Variants in RPS6KA6 observed in about 807,000 individuals in gnomAD.
RPS6KA6 encodes ribosomal protein S6 kinase A6.
RPS6KA6 carries 27 observed loss-of-function variants against 65.4 expected under a neutral mutation model. The observed-to-expected ratio is 0.41, with a 90% CI of 0.30 to 0.57. The LOEUF is 0.57. Among genes scored for constraint, RPS6KA6 ranks in the 20% least tolerant of loss-of-function variants. RPS6KA6 has a pLI of 0.24. For missense variants in RPS6KA6, 486 were observed against 555.6 expected, an observed-to-expected ratio of 0.87 and a Z score of 1.26; for synonymous variants, 190 against 184.2, an observed-to-expected ratio of 1.03 and a Z score of -0.26.
At chrX:84,100,333 G>A (rs993553430) in intron 18 of RPS6KA6, among the ~76,000 whole-genome samples, 1 of 109,973 alleles carries the variant, frequency 9.1e-6, no homozygotes, top group African/African-American at 3.3e-5. Flanking sequence ...CTACTCTCTG[G>A]GTTTGATTAC....
At chrX:84,074,346 C>T (rs971302193) in intron 20 of RPS6KA6, among the ~76,000 whole-genome samples, 1 of 111,297 alleles carries the variant, frequency 9.0e-6, no homozygotes, top group Non-Finnish European at 1.9e-5. Flanking sequence ...ACAGTGGTTA[C>T]TAGGGAATGA....
chrX:84,082,705 G>A (rs2033827705), intron 20 of RPS6KA6, among the ~76,000 whole-genome samples: 1 of 111,446 alleles, frequency 9.0e-6, no homozygotes. Context: ...TATACTACAA[G>A]GCTACAGTAA....
Position 84,104,557 on chromosome X carries a change from T to A in RPS6KA6, c.1556A>T (p.Glu519Val), listed in dbSNP as rs1483976660. ...TATTACATATAGTATATCACTAGCC[T>A]CCCGTTCCGAGAAACATTTTTGTTT... Reference protein sequence around the residue: ...ILKQKCFSEREASDILYVISK... With the variant: ...ILKQKCFSERVASDILYVISK... Residue 519 changes from glutamate to valine, a missense_variant, in exon 17 of 22, where the codon GAG becomes GTG. Coordinates refer to ENST00000262752, the MANE Select transcript of RPS6KA6 (RefSeq NM_014496.5). 1 of 1,187,810 alleles carries A rather than the reference T, an allele frequency of 8.4e-7. No individual in the cohort carries two copies. Among genetic ancestry groups the A allele is most frequent in the Admixed American group, 2.3e-5 (1 of 44,280 alleles).
chrX:84,171,239 G>T (rs1422556662), intron 1 of RPS6KA6, among the ~76,000 whole-genome samples: 1 of 111,478 alleles, frequency 9.0e-6, no homozygotes, highest in Non-Finnish European at 1.9e-5. Flanking sequence ...AGCTTGGTAG[G>T]GCCCTAAGCA....
intron 1 of RPS6KA6, among the ~76,000 whole-genome samples, chrX:84,183,504 T>G (rs181971176): frequency 9.0e-6 from 1 of 111,637 alleles, no homozygotes; most frequent in East Asian, 2.8e-4. Context: ...AAACCTTCAG[T>G]GGCTCCTATT....
chrX:84,168,885 T>C lies in RPS6KA6; in HGVS notation c.82-4498A>G, dbSNP rs191065805. Reference sequence around the variant, plus strand: ...GAAACAGAACACTCCATTGCTCCCATCTCATCTACCCTCAAGGTATCAGGT... The same window carrying C: ...GAAACAGAACACTCCATTGCTCCCACCTCATCTACCCTCAAGGTATCAGGT... On this transcript the variant is annotated intron_variant, in intron 1 of 21. Transcript: ENST00000262752. Among the ~76,000 whole-genome samples the C allele has an allele frequency of 1.5e-3, 166 of 111,519 alleles. 1 individual carries two copies. The highest frequency in any genetic ancestry group is 5.0e-3 in the African/African-American group (154 of 30,735).
At chrX:84,087,065 T>A (rs139972173) in intron 20 of RPS6KA6, among the ~76,000 whole-genome samples, 1,354 of 111,421 alleles carry the variant, frequency 0.012, 23 homozygotes, top group African/African-American at 0.042. Context: ...GTGAGATGGG[T>A]CTCTTAAAGA....
At chrX:84,167,895 T>G (rs2147616839) in intron 1 of RPS6KA6, among the ~76,000 whole-genome samples, 2 of 110,726 alleles carry the variant, frequency 1.8e-5, no homozygotes, top group Admixed American at 1.9e-4. Context: ...GAACCCTACA[T>G]GAAAAAGAGT....
At chrX:84,122,262 T>C (rs1025075376) in intron 8 of RPS6KA6, among the ~76,000 whole-genome samples, 7 of 110,831 alleles carry the variant, frequency 6.3e-5, no homozygotes, top group Non-Finnish European at 1.3e-4. Flanking sequence ...TGGGGGGCTT[T>C]ACATTGAATT....
At chrX:84,067,813 T>A (rs752359483) in intron 20 of RPS6KA6, among the ~76,000 whole-genome samples, 4 of 110,940 alleles carry the variant, frequency 3.6e-5, no homozygotes, top group African/African-American at 1.3e-4. Context: ...GGACACATAA[T>A]CATCAGATAC....
rs1258148781 is a variant in RPS6KA6 at position 84,062,529 on chromosome X, A to G, written c.*1748T>C. On this transcript the variant is annotated 3_prime_UTR_variant, in exon 22 of 22. Coordinates refer to ENST00000262752, the MANE Select transcript of RPS6KA6 (RefSeq NM_014496.5). ...AAGCCAAAATGGAACATAAAAAGCCATAAGACATGATACCTAACTACTTCT... is the reference window on the plus strand; with the variant it reads ...AAGCCAAAATGGAACATAAAAAGCCGTAAGACATGATACCTAACTACTTCT... The G allele has an allele frequency of 8.9e-6, 1 of 111,790 alleles. No individual in the cohort carries two copies. Among genetic ancestry groups the G allele is most frequent in the African/African-American group, 3.2e-5 (1 of 30,848 alleles). 9.2% of individuals were successfully genotyped at this position (111,790 alleles called of 1,213,427 possible).
At chrX:84,171,708 G>A (rs2035686321) in intron 1 of RPS6KA6, among the ~76,000 whole-genome samples, 1 of 111,420 alleles carries the variant, frequency 9.0e-6, no homozygotes, top group Non-Finnish European at 1.9e-5. Flanking sequence ...TACATGTGAT[G>A]AACGTGCAGG....
intron 18 of RPS6KA6, 98 bp from the exon 19 acceptor site, chrX:84,097,946 A>G (rs931942618): frequency 3.3e-6 from 2 of 603,791 alleles, no homozygotes; most frequent in Non-Finnish European, 2.6e-6. Flanking sequence ...AAAAGTTCAT[A>G]ATATAAAAAC....
At chrX:84,065,204 C>A in intron 20 of RPS6KA6, 93 bp from the exon 21 acceptor site, 1 of 575,095 alleles carries the variant, frequency 1.7e-6, no homozygotes, top group Non-Finnish European at 2.7e-6. Flanking sequence ...AATAGCCTTG[C>A]AATCTGTTTA....
chrX:84,123,209 T>C (rs1034547485), intron 8 of RPS6KA6, among the ~76,000 whole-genome samples: 1 of 112,346 alleles, frequency 8.9e-6, no homozygotes, highest in Non-Finnish European at 1.9e-5. Flanking sequence ...ACCCAGGTAG[T>C]ACACCATGGG....
At chrX:84,071,632 T>TA (rs958727499) in intron 20 of RPS6KA6, among the ~76,000 whole-genome samples, 9 of 108,489 alleles carry the variant, frequency 8.3e-5, no homozygotes, top group Admixed American at 2.0e-4. Flanking sequence ...AAATAGAGAA[T>TA]AAAAAAAATG....
At chrX:84,092,952 T>C (rs973979717) in intron 20 of RPS6KA6, among the ~76,000 whole-genome samples, 12 of 111,789 alleles carry the variant, frequency 1.1e-4, no homozygotes, top group Non-Finnish European at 2.1e-4. Flanking sequence ...AACATATGAA[T>C]TGATAAAGAA....
intron 6 of RPS6KA6, among the ~76,000 whole-genome samples, chrX:84,138,743 T>C (rs2035040554): frequency 9.0e-6 from 1 of 110,871 alleles, no homozygotes; most frequent in Non-Finnish European, 1.9e-5. Context: ...TCTACCACAT[T>C]TTCTTGAATA....
intron 1 of RPS6KA6, among the ~76,000 whole-genome samples, chrX:84,177,470 C>T (rs2035789815): frequency 9.0e-6 from 1 of 111,492 alleles, no homozygotes; most frequent in African/African-American, 3.3e-5. Flanking sequence ...AAATAAAGAG[C>T]CAGAATTTAA....
Sources: allele counts gnomAD v4.1 joint callset (sites outside exome capture counted in the v4.1 genomes callset), GRCh38; gene constraint gnomAD v4.1.1; transcripts MANE v1.5; gene names NCBI Gene and HGNC (gene_info 2026-07-23, HGNC 2026-07-21).